The following AMD1 variants were observed in gnomAD, a reference collection of about 807,000 sequenced individuals.
AMD1 encodes the protein adenosylmethionine decarboxylase 1.
A neutral mutation model predicts 40.2 loss-of-function variants in AMD1; 11 were observed. The observed-to-expected ratio is 0.27, with a 90% CI of 0.17 to 0.45. AMD1 has a LOEUF of 0.45. AMD1 is among the 20% of genes least tolerant of loss of function. The pLI is 1.00. For missense variants in AMD1, 257 were observed against 410.2 expected, an observed-to-expected ratio of 0.63 and a Z score of 3.23; for synonymous variants, 121 against 130.8, an observed-to-expected ratio of 0.93 and a Z score of 0.51.
chr6:110,846,045 G>T, the AMD1 span, among the ~76,000 whole-genome samples: 16 of 152,278 alleles, frequency 1.1e-4, no homozygotes, highest in East Asian at 3.9e-4. Context: ...TTCGAGACCA[G>T]CCTGGCCAAC....
intron 1 of AMD1, among the ~76,000 whole-genome samples, chr6:110,883,385 A>G (rs1013812097): frequency 6.6e-6 from 1 of 152,136 alleles, no homozygotes; most frequent in Non-Finnish European, 1.5e-5. Context: ...CCAGAACTGA[A>G]AAGTAGGGGC....
chr6:110,868,240 C>CG, the AMD1 span, among the ~76,000 whole-genome samples: 1 of 151,896 alleles, frequency 6.6e-6, no homozygotes, highest in African/African-American at 2.4e-5. Flanking sequence ...TTCTGCCTCC[C>CG]GGGTTCATGC....
At chr6:110,873,294 G>A (rs536209412), upstream of AMD1, among the ~76,000 whole-genome samples, 1 of 152,302 alleles carries the variant, frequency 6.6e-6, no homozygotes, top group East Asian at 1.9e-4. Flanking sequence ...AACCCAGGAG[G>A]CAGAGGTTGC....
the AMD1 span, among the ~76,000 whole-genome samples, chr6:110,824,328 C>A: frequency 6.6e-6 from 1 of 152,110 alleles, no homozygotes; most frequent in African/African-American, 2.4e-5. Context: ...GAATGGAAAA[C>A]CAAAATACTG....
At chr6:110,819,452 T>G in the AMD1 span, among the ~76,000 whole-genome samples, 1 of 152,132 alleles carries the variant, frequency 6.6e-6, no homozygotes, top group African/African-American at 2.4e-5. Flanking sequence ...GGAGTAAAAT[T>G]TAACAAGACT....
chr6:110,816,007 T>C, the AMD1 span: 3 of 152,274 alleles, frequency 2.0e-5, no homozygotes, highest in African/African-American at 7.2e-5. Context: ...CCGCTCTTGA[T>C]TGGTGATTGG....
chr6:110,858,835 C>G, the AMD1 span: 1 of 778,414 alleles, frequency 1.3e-6, no homozygotes, highest in Non-Finnish European at 2.4e-6. Context: ...ACATCCTGCC[C>G]CCCATGGACA....
At chr6:110,834,106 G>C in the AMD1 span, among the ~76,000 whole-genome samples, 2 of 152,078 alleles carry the variant, frequency 1.3e-5, no homozygotes, top group African/African-American at 4.8e-5. Context: ...AATTTGTCTG[G>C]TTTTTTTGTA....
chr6:110,856,718 G>A, the AMD1 span, among the ~76,000 whole-genome samples: 1 of 152,166 alleles, frequency 6.6e-6, no homozygotes, highest in African/African-American at 2.4e-5. Context: ...AGGCTGAAAT[G>A]GACTTTCTAA....
chr6:110,815,567 T>G, the AMD1 span: 1 of 154,784 alleles, frequency 6.5e-6, no homozygotes. Context: ...AGCTCCCAGG[T>G]TACCTCGGGC....
the AMD1 span, chr6:110,858,704 G>T: frequency 1.3e-6 from 1 of 778,046 alleles, no homozygotes; most frequent in East Asian, 2.7e-5. Context: ...GAACTTCGAC[G>T]ACGCCACCAT....
chr6:110,816,090 C>T, the AMD1 span: 1 of 152,276 alleles, frequency 6.6e-6, no homozygotes, highest in Non-Finnish European at 1.5e-5. Context: ...AAAACTGAAC[C>T]TTCAGCAGTT....
intron 1 of AMD1, among the ~76,000 whole-genome samples, chr6:110,880,870 C>T (rs1461904211): frequency 6.6e-6 from 1 of 152,066 alleles, no homozygotes; most frequent in East Asian, 1.9e-4. Flanking sequence ...GCGGGTTTCG[C>T]TATGTTGGTC....
the AMD1 span, among the ~76,000 whole-genome samples, chr6:110,847,069 T>TG: frequency 1.3e-5 from 2 of 149,006 alleles, no homozygotes; most frequent in Non-Finnish European, 3.0e-5. Flanking sequence ...GTGTGGTGTG[T>TG]GTGTGTGTGT....
chr6:110,890,216 G>GT, intron 3 of AMD1, 38 bp from the exon 4 acceptor site: 1 of 1,435,350 alleles, frequency 7.0e-7, no homozygotes, highest in South Asian at 1.3e-5. Flanking sequence ...TACATCTAAA[G>GT]TCATCTTTTT....
At chr6:110,856,490 G>A in the AMD1 span, 2 of 152,232 alleles carry the variant, frequency 1.3e-5, no homozygotes, top group East Asian at 3.9e-4. Flanking sequence ...ACGCAAGGAT[G>A]ACACCCAGAT....
chr6:110,838,025 G>A, the AMD1 span, among the ~76,000 whole-genome samples: 1 of 144,622 alleles, frequency 6.9e-6, no homozygotes, highest in Non-Finnish European at 1.5e-5. Flanking sequence ...TTGTATCATT[G>A]CACTCCAAAC....
At position 110,875,086 on chromosome 6, in the gene AMD1, T is replaced by C. The variant is rs1215030591; in HGVS notation, c.-20T>C. On this transcript the variant is annotated 5_prime_UTR_variant, in exon 1 of 9. Coordinates refer to ENST00000368885, the MANE Select transcript of AMD1 (RefSeq NM_001634.6). ...TAGTTGATTTTCTGTGGTTGTTGGT[T>C]GTTCGCTAGTCTCACGGTGATGGAA... 2 of 1,598,436 alleles carry C rather than the reference T, an allele frequency of 1.3e-6. No individual in the cohort carries two copies. The highest frequency in any genetic ancestry group is 1.7e-6 in the Non-Finnish European group (2 of 1,168,864).
chr6:110,889,913 A>G (rs1171110239), intron 3 of AMD1: 16 of 177,536 alleles, frequency 9.0e-5, no homozygotes, highest in African/African-American at 9.5e-5. Flanking sequence ...TTATATGACT[A>G]TTAATAAGCT....
Sources: allele counts gnomAD v4.1 joint callset (sites outside exome capture counted in the v4.1 genomes callset), GRCh38; gene constraint gnomAD v4.1.1; transcripts MANE v1.5; gene names NCBI Gene and HGNC (gene_info 2026-07-23, HGNC 2026-07-21).